B3GAT2: variants seen among roughly 807,000 people sequenced by gnomAD.
B3GAT2 encodes the protein galactosylgalactosylxylosylprotein 3-beta-glucuronosyltransferase 2.
In B3GAT2, 26 loss-of-function variants were observed where a neutral mutation model predicts 27.8. The ratio of observed to expected loss-of-function variants is 0.93; its 90% CI spans 0.68 to 1.30. B3GAT2 has a LOEUF of 1.30. Among genes scored for constraint, B3GAT2 ranks in the 50% most tolerant of loss-of-function variants. B3GAT2 has a pLI of 0.00. For synonymous variants in B3GAT2, 218 were observed against 195.1 expected (o/e 1.12, Z -0.98); for missense variants, 458 against 459.0 (o/e 1.00, Z 0.02).
chr6:70,935,902 A>G (rs1389601247), intron 1 of B3GAT2, among the ~76,000 whole-genome samples: 2 of 151,914 alleles, frequency 1.3e-5, no homozygotes, highest in African/African-American at 2.4e-5. Flanking sequence ...ACACATAACA[A>G]TATTAACTTT....
chr6:70,892,713 T>C (rs908454617), intron 2 of B3GAT2, among the ~76,000 whole-genome samples: 2 of 152,220 alleles, frequency 1.3e-5, no homozygotes, highest in Non-Finnish European at 2.9e-5. Flanking sequence ...GCAGAAGGAC[T>C]TTCCCTAATG....
Position 70,955,864 on chromosome 6 carries a change from G to T in B3GAT2, c.566C>A (p.Thr189Asn). The change falls in exon 1 of 4, where the codon ACC becomes AAC. Residue 189 changes from threonine to asparagine, a missense_variant. Physicochemically the swap from Thr to Asn is moderately conservative, Grantham distance 65 (BLOSUM62 0). Transcript: ENST00000230053. The stretch of plus-strand genomic sequence containing the variant: ...CTCCTGGAAGAGCTCCAGACTATAG[G>T]TGTTGTCGTCGTCAGCGAAGAAGAG... ...GVLFFADDDN[T>N]YSLELFQEMR... 6.2e-7 allele frequency: 1 copy of T among 1,602,956 alleles called. No homozygotes were observed. The highest frequency in any genetic ancestry group is 8.5e-7 in the Non-Finnish European group (1 of 1,175,676).
chr6:70,931,259 C>T (rs1325258018), intron 1 of B3GAT2, among the ~76,000 whole-genome samples: 1 of 152,004 alleles, frequency 6.6e-6, no homozygotes, highest in Non-Finnish European at 1.5e-5. Flanking sequence ...GTGCAGCACA[C>T]CAACGTGGCA....
At chr6:70,922,266 T>G (rs896637545) in intron 1 of B3GAT2, among the ~76,000 whole-genome samples, 11 of 152,184 alleles carry the variant, frequency 7.2e-5, no homozygotes, top group African/African-American at 2.4e-4. Context: ...CTAGTCCTAA[T>G]CAGAAACATT....
At chr6:70,919,152 C>T (rs929899710) in intron 1 of B3GAT2, among the ~76,000 whole-genome samples, 3 of 152,180 alleles carry the variant, frequency 2.0e-5, no homozygotes, top group African/African-American at 4.8e-5. Context: ...ATTTGATCTT[C>T]AATCACTGAT....
At chr6:70,929,099 C>G (rs2039653840) in intron 1 of B3GAT2, among the ~76,000 whole-genome samples, 1 of 151,898 alleles carries the variant, frequency 6.6e-6, no homozygotes, top group Admixed American at 6.6e-5. Flanking sequence ...TCTCAGCAAA[C>G]TATCGCAAGG....
chr6:70,859,588 CCTTCT>C lies in B3GAT2; in HGVS notation c.*2070_*2074del, dbSNP rs770544370. The C allele has an allele frequency of 9.5e-6, 4 of 419,876 alleles. No homozygotes were observed. The highest frequency in any genetic ancestry group is 1.7e-5 in the Non-Finnish European group (4 of 239,222). 26.0% of individuals were successfully genotyped at this position (419,876 alleles called of 1,614,324 possible). A position where few individuals can be genotyped will look rare whatever the true frequency, so the allele number is the denominator to read the frequency against. On this transcript the variant is annotated 3_prime_UTR_variant, in exon 4 of 4. Coordinates refer to ENST00000230053, the MANE Select transcript of B3GAT2 (RefSeq NM_080742.3). ...TCACTATATGGTAAATCTTGCCTTTCCTTCTCTTATCACCAATTTTGGAAGTAAGA... is the reference window on the plus strand; with the variant it reads ...TCACTATATGGTAAATCTTGCCTTTCCTTATCACCAATTTTGGAAGTAAGA...
At chr6:70,923,043 A>T (rs757739473) in intron 1 of B3GAT2, among the ~76,000 whole-genome samples, 6 of 152,168 alleles carry the variant, frequency 3.9e-5, no homozygotes, top group Admixed American at 6.5e-5. Context: ...GAGTTAAAAC[A>T]TATAAAGGAC....
At chr6:70,916,673 G>T (rs1333573455) in intron 1 of B3GAT2, among the ~76,000 whole-genome samples, 1 of 152,268 alleles carries the variant, frequency 6.6e-6, no homozygotes, top group East Asian at 1.9e-4. Context: ...TTTGTCGTTG[G>T]TTCTGTTTAT....
intron 1 of B3GAT2, among the ~76,000 whole-genome samples, chr6:70,945,251 G>A (rs1486834589): frequency 6.6e-6 from 1 of 152,170 alleles, no homozygotes; most frequent in Non-Finnish European, 1.5e-5. Flanking sequence ...GAGAGAAGAA[G>A]GCTTCAGACG....
intron 1 of B3GAT2, among the ~76,000 whole-genome samples, chr6:70,954,704 G>A (rs1765622823): frequency 6.6e-6 from 1 of 152,188 alleles, no homozygotes; most frequent in Admixed American, 6.5e-5. Flanking sequence ...TCTGAAGCAG[G>A]ACGTCAAGAA....
rs937503496 is a variant in B3GAT2 at position 70,956,885 on chromosome 6, G to T, written c.-456C>A. The stretch of plus-strand genomic sequence containing the variant: ...GGGCCCCCAGGACGCTCTCTGGGAC[G>T]CCTTCGAGGGCGGGCGGCGGCGCTG... On this transcript the variant is annotated 5_prime_UTR_variant, in exon 1 of 4. Transcript: ENST00000230053. 141 of 1,019,114 alleles carry T rather than the reference G, an allele frequency of 1.4e-4. No homozygotes were observed. The highest frequency in any genetic ancestry group is 1.6e-4 in the Non-Finnish European group (137 of 852,330). 63.1% of individuals were successfully genotyped at this position (1,019,114 alleles called of 1,614,324 possible). A position where few individuals can be genotyped will look rare whatever the true frequency, so the allele number is the denominator to read the frequency against.
At position 70,956,893 on chromosome 6, in the gene B3GAT2, G is replaced by C; in HGVS notation, c.-464C>G. The C allele has an allele frequency of 9.8e-7, 1 of 1,020,246 alleles. No individual in the cohort carries two copies. The highest frequency in any genetic ancestry group is 1.2e-6 in the Non-Finnish European group (1 of 852,870). 63.2% of individuals were successfully genotyped at this position (1,020,246 alleles called of 1,614,324 possible). On this transcript the variant is annotated 5_prime_UTR_variant, in exon 1 of 4. Transcript: ENST00000230053. ...AGGACGCTCTCTGGGACGCCTTCGA[G>C]GGCGGGCGGCGGCGCTGGGGGCTTT...
chr6:70,858,131 G>C lies in B3GAT2; in HGVS notation c.*3532C>G, dbSNP rs200644554. 6.3e-5 allele frequency: 101 copies of C among 1,613,890 alleles called. No individual in the cohort carries two copies. Among genetic ancestry groups the C allele is most frequent in the Non-Finnish European group, 8.4e-5 (99 of 1,179,996 alleles). On this transcript the variant is annotated 3_prime_UTR_variant, in exon 4 of 4. Coordinates refer to ENST00000230053, the MANE Select transcript of B3GAT2 (RefSeq NM_080742.3). ...TGGTGTGATGCCACTTCCTCAGAAC[G>C]TTGTTGGCCCCCAAGGAGGAATGGT...
intron 1 of B3GAT2, among the ~76,000 whole-genome samples, chr6:70,923,652 A>G (rs1014112876): frequency 6.6e-6 from 1 of 152,244 alleles, no homozygotes; most frequent in Non-Finnish European, 1.5e-5. Flanking sequence ...CGACAGAGTC[A>G]GACCCTGTCT....
chr6:70,950,084 T>C (rs969340687), intron 1 of B3GAT2, among the ~76,000 whole-genome samples: 1 of 151,798 alleles, frequency 6.6e-6, no homozygotes, highest in Admixed American at 6.6e-5. Flanking sequence ...GGGAGAGCAT[T>C]AGGAGATATA....
Position 70,861,743 on chromosome 6 carries a change from C to A in B3GAT2, c.892G>T (p.Val298Leu), listed in dbSNP as rs201452528. 3 of 1,614,048 alleles carry A rather than the reference C, an allele frequency of 1.9e-6. No individual in the cohort carries two copies. Among genetic ancestry groups the A allele is most frequent in the Non-Finnish European group, 2.5e-6 (3 of 1,179,984 alleles). The change falls in exon 4 of 4, where the codon GTG becomes TTG. Residue 298 changes from valine to leucine, a missense_variant. By Grantham distance (32) the Val-to-Leu change is conservative. Transcript: ENST00000230053. ...PKANNCTKVL[V>L]WHTRTEKVNL... is the part of the protein sequence containing the mutation. ...ACCTTCTCTGTCCGAGTGTGCCACA[C>A]GAGAACCTGAAGGGGAAGGAAATAG...
chr6:70,922,553 A>C (rs1772886338), intron 1 of B3GAT2, among the ~76,000 whole-genome samples: 2 of 152,150 alleles, frequency 1.3e-5, no homozygotes, highest in African/African-American at 4.8e-5. Flanking sequence ...GTATTTCAAA[A>C]TTAGCATTTT....
rs537115738 is a variant in B3GAT2 at position 70,945,204 on chromosome 6, C to T, written c.591+10635G>A. Among the ~76,000 whole-genome samples, 395 of 152,262 alleles carry T rather than the reference C, an allele frequency of 2.6e-3. 2 individuals carry two copies. The highest frequency in any genetic ancestry group is 0.014 in the East Asian group (71 of 5,174). ...AAGGAACACAGTTCCTCACCAGCAACGGAACAAAGCTGGACAGAGAATGAC... is the reference window on the plus strand; with the variant it reads ...AAGGAACACAGTTCCTCACCAGCAATGGAACAAAGCTGGACAGAGAATGAC... On this transcript the variant is annotated intron_variant, in intron 1 of 3. Transcript: ENST00000230053.
Sources: gnomAD v4.1 joint callset for allele counts (sites outside exome capture counted in the v4.1 genomes callset) on GRCh38, gnomAD v4.1.1 for gene constraint, MANE v1.5 for transcripts, NCBI Gene and HGNC (gene_info 2026-07-23, HGNC 2026-07-21) for gene names.